Variants in PPM1H observed in about 807,000 individuals in gnomAD.
PPM1H encodes the protein protein phosphatase 1H.
In PPM1H, 27 loss-of-function variants were observed where a neutral mutation model predicts 54.9. The observed-to-expected ratio is 0.49, with a 90% CI of 0.36 to 0.68. The LOEUF (loss-of-function observed/expected upper bound fraction) is 0.68. Ranked by LOEUF, PPM1H falls within the 30% of genes least tolerant of loss-of-function variation. The probability of loss-of-function intolerance (pLI) is 0.00; values close to 1 mark genes in which losing one functional copy is unlikely to be tolerated. For synonymous variants in PPM1H, 305 were observed against 270.8 expected, an observed-to-expected ratio of 1.13 and a Z score of -1.24; for missense variants, 596 against 667.8, an observed-to-expected ratio of 0.89 and a Z score of 1.19.
intron 6 of PPM1H, among the ~76,000 whole-genome samples, chr12:62,718,527 C>T (rs75330098): frequency 0.061 from 9,355 of 152,166 alleles, 409 homozygotes; most frequent in Admixed American, 0.12. Flanking sequence ...TCTGGCATCC[C>T]GTTTTCCCTA....
intron 1 of PPM1H, among the ~76,000 whole-genome samples, chr12:62,900,402 G>A (rs528567875): frequency 2.0e-5 from 3 of 152,024 alleles, no homozygotes; most frequent in South Asian, 4.2e-4. Flanking sequence ...TGGGGTAGGG[G>A]GGAGGGATAG....
intron 1 of PPM1H, among the ~76,000 whole-genome samples, chr12:62,886,151 G>A (rs182169738): frequency 1.2e-3 from 176 of 152,210 alleles, no homozygotes; most frequent in Non-Finnish European, 1.7e-3. Context: ...CTTTTTAAAC[G>A]TTTCATCACT....
At chr12:62,871,511 CTTTTTTT>C (rs375570472) in intron 1 of PPM1H, among the ~76,000 whole-genome samples, 1 of 119,164 alleles carries the variant, frequency 8.4e-6, no homozygotes, top group African/African-American at 3.1e-5. Flanking sequence ...AACTGTGGTA[CTTTTTTT>C]TTTTTTTTTT....
chr12:62,758,220 C>T (rs571197229), intron 4 of PPM1H, among the ~76,000 whole-genome samples: 5 of 152,332 alleles, frequency 3.3e-5, no homozygotes, highest in Non-Finnish European at 5.9e-5. Flanking sequence ...TGGAAATCAA[C>T]ATCTTCATTT....
chr12:62,779,237 C>T (rs937426661), intron 4 of PPM1H, among the ~76,000 whole-genome samples: 17 of 151,966 alleles, frequency 1.1e-4, no homozygotes, highest in African/African-American at 2.7e-4. Context: ...TTAGTAGAGA[C>T]GGGGTTTCAC....
intron 1 of PPM1H, among the ~76,000 whole-genome samples, chr12:62,911,672 C>T (rs999669988): frequency 1.3e-5 from 2 of 152,196 alleles, no homozygotes; most frequent in Non-Finnish European, 2.9e-5. Flanking sequence ...CCTTCAGGTC[C>T]TAGCTTTGCC....
intron 4 of PPM1H, among the ~76,000 whole-genome samples, chr12:62,771,976 A>T (rs980094242): frequency 9.9e-5 from 15 of 152,128 alleles, no homozygotes; most frequent in African/African-American, 3.6e-4. Context: ...AGGGATAGGG[A>T]TTGTTAGAAT....
At chr12:62,704,768 T>C (rs2076163899) in intron 6 of PPM1H, among the ~76,000 whole-genome samples, 1 of 152,174 alleles carries the variant, frequency 6.6e-6, no homozygotes, top group African/African-American at 2.4e-5. Flanking sequence ...TTTTCCTCCA[T>C]GAAAACTCTC....
intron 1 of PPM1H, among the ~76,000 whole-genome samples, chr12:62,851,627 C>T (rs1011559363): frequency 6.6e-6 from 1 of 151,556 alleles, no homozygotes; most frequent in Admixed American, 6.6e-5. Flanking sequence ...CACTTGAACC[C>T]GGGGGGTGAA....
In PPM1H at chr12:62,934,979, G is replaced by T. The variant is rs564058733; in HGVS notation, c.-243C>A. On this transcript the variant is annotated 5_prime_UTR_variant, in exon 1 of 10. Transcript: ENST00000228705. The surrounding 1 kb of genome is among the most constrained non-coding windows in gnomAD (Gnocchi z 4.2). ...CTTCCGCAACGGAGCTGCATGGAGC[G>T]GGCCGACCGGGGGAGTCACCGCGCG... The T allele has an allele frequency of 9.8e-5, 25 of 254,926 alleles. No individual in the cohort carries two copies. The highest frequency in any genetic ancestry group is 5.2e-4 in the African/African-American group (23 of 44,292). The allele number at this position is 254,926 out of a possible 1,614,324, so 15.8% of individuals were successfully genotyped here. A position where few individuals can be genotyped will look rare whatever the true frequency, so the allele number is the denominator to read the frequency against.
intron 9 of PPM1H, among the ~76,000 whole-genome samples, chr12:62,655,793 C>A (rs2075841069): frequency 6.6e-6 from 1 of 152,208 alleles, no homozygotes; most frequent in African/African-American, 2.4e-5. Flanking sequence ...CATTAGACAA[C>A]TGCGGAGGAG....
chr12:62,801,397 A>T (rs1444646027), intron 3 of PPM1H, among the ~76,000 whole-genome samples: 1 of 151,868 alleles, frequency 6.6e-6, no homozygotes, highest in Non-Finnish European at 1.5e-5. Context: ...GGCTCACTGC[A>T]ATCTCTGTCT....
chr12:62,914,212 A>T (rs3911805), intron 1 of PPM1H, among the ~76,000 whole-genome samples: 35,847 of 151,978 alleles, frequency 0.24, 4,431 homozygotes, highest in East Asian at 0.35. Context: ...GCTGGTTGTT[A>T]TAAGGAGCTT....
intron 3 of PPM1H, among the ~76,000 whole-genome samples, chr12:62,801,393 C>T (rs2652028): frequency 0.13 from 20,394 of 152,028 alleles, 1,896 homozygotes; most frequent in African/African-American, 0.27. Flanking sequence ...TCTTGGCTCA[C>T]TGCAATCTCT....
chr12:62,923,402 TTTG>T (rs1464892154), intron 1 of PPM1H, among the ~76,000 whole-genome samples: 1 of 152,206 alleles, frequency 6.6e-6, no homozygotes, highest in Admixed American at 6.5e-5. Flanking sequence ...TTTTTCTTTT[TTTG>T]TTTTTTCTTT....
chr12:62,761,425 GGGA>G (rs1402017766), intron 4 of PPM1H, among the ~76,000 whole-genome samples: 1 of 152,188 alleles, frequency 6.6e-6, no homozygotes, highest in Non-Finnish European at 1.5e-5. Flanking sequence ...GGTTGGGGAG[GGGA>G]GGAGATTATA....
chr12:62,869,971 G>A (rs1043094474), intron 1 of PPM1H, among the ~76,000 whole-genome samples: 2 of 152,120 alleles, frequency 1.3e-5, no homozygotes, highest in African/African-American at 4.8e-5. Flanking sequence ...CGAGGAGCAG[G>A]ACCATGTTTA....
intron 1 of PPM1H, among the ~76,000 whole-genome samples, chr12:62,901,662 T>C (rs1458628827): frequency 6.6e-6 from 1 of 152,234 alleles, no homozygotes; most frequent in Non-Finnish European, 1.5e-5. Context: ...GTGGGACACA[T>C]TCTTAACACT....
At chr12:62,830,934 AGCTCTG>A (rs1592622794) in intron 2 of PPM1H, among the ~76,000 whole-genome samples, 1 of 152,004 alleles carries the variant, frequency 6.6e-6, no homozygotes, top group East Asian at 1.9e-4. Flanking sequence ...GCTCACTGCA[AGCTCTG>A]CCTCCTGGGT....
Sources: allele counts gnomAD v4.1 joint callset (sites outside exome capture counted in the v4.1 genomes callset), GRCh38; gene constraint gnomAD v4.1.1; non-coding constraint Gnocchi (gnomAD v3.1); transcripts MANE v1.5; gene names NCBI Gene and HGNC (gene_info 2026-07-23, HGNC 2026-07-21).